The following ISM1 variants were observed in gnomAD, a reference collection of about 807,000 sequenced individuals.
The protein encoded by ISM1 is isthmin-1.
ISM1 carries 25 observed loss-of-function variants against 46.3 expected under a neutral mutation model. The ratio of observed to expected loss-of-function variants is 0.54; its 90% CI spans 0.39 to 0.75. ISM1 has a LOEUF of 0.75. ISM1 is among the 30% of genes least tolerant of loss of function. The pLI, the probability that ISM1 is intolerant of heterozygous loss-of-function variation, is 0.00. For synonymous variants in ISM1, 255 were observed against 256.7 expected, an observed-to-expected ratio of 0.99 and a Z score of 0.06; for missense variants, 536 against 625.4, an observed-to-expected ratio of 0.86 and a Z score of 1.52.
chr20:13,275,541 C>A lies in ISM1; in HGVS notation c.379-4093C>A, dbSNP rs532601784. On this transcript the variant is annotated intron_variant, in intron 2 of 5. Coordinates refer to ENST00000262487, the MANE Select transcript of ISM1 (RefSeq NM_080826.2). ...GGATCAGGCACCACCATTTAGTCAGCCAGACTTGACCTCCGTAGCCCCATG... is the reference window on the plus strand; with the variant it reads ...GGATCAGGCACCACCATTTAGTCAGACAGACTTGACCTCCGTAGCCCCATG... Among the ~76,000 whole-genome samples, 57 of 152,300 alleles carry A rather than the reference C, an allele frequency of 3.7e-4. 1 individual carries two copies. The highest frequency in any genetic ancestry group is 3.5e-3 in the Admixed American group (54 of 15,298).
chr20:13,311,247 A>AGATAGATAGAT, the ISM1 span, among the ~76,000 whole-genome samples: 2,135 of 116,010 alleles, frequency 0.018, 21 homozygotes, highest in African/African-American at 0.036. Context: ...GATAGATGAT[A>AGATAGATAGAT]GATAGATAGA....
chr20:13,263,692 T>G (rs2040013504), intron 1 of ISM1, among the ~76,000 whole-genome samples: 1 of 152,186 alleles, frequency 6.6e-6, no homozygotes, highest in South Asian at 2.1e-4. Flanking sequence ...AATGGAGTGT[T>G]TGAATGTGGA....
the ISM1 span, among the ~76,000 whole-genome samples, chr20:13,312,931 C>A: frequency 6.6e-6 from 1 of 152,016 alleles, no homozygotes; most frequent in Non-Finnish European, 1.5e-5. Flanking sequence ...TTCTTTTGTT[C>A]CCTCTGCTTC....
chr20:13,325,772 A>G, the ISM1 span, among the ~76,000 whole-genome samples: 1 of 152,174 alleles, frequency 6.6e-6, no homozygotes, highest in East Asian at 1.9e-4. Context: ...GCCAGTAATT[A>G]CTCCGAGAAC....
intron 1 of ISM1, among the ~76,000 whole-genome samples, chr20:13,235,469 A>T (rs942358553): frequency 6.6e-6 from 1 of 152,180 alleles, no homozygotes; most frequent in African/African-American, 2.4e-5. Context: ...ATGGGATAAG[A>T]ATAGTTAACA....
At chr20:13,241,671 G>T (rs769422673) in intron 1 of ISM1, among the ~76,000 whole-genome samples, 2 of 152,286 alleles carry the variant, frequency 1.3e-5, no homozygotes, top group Non-Finnish European at 2.9e-5. Flanking sequence ...CGTTTGAGGA[G>T]AGAAGATATA....
chr20:13,245,972 A>G (rs113206224), intron 1 of ISM1, among the ~76,000 whole-genome samples: 5,523 of 152,276 alleles, frequency 0.036, 172 homozygotes, highest in African/African-American at 0.077. Flanking sequence ...ACAGGCCACA[A>G]AAGCTTTTCT....
At chr20:13,263,997 C>T (rs2040016963) in intron 1 of ISM1, among the ~76,000 whole-genome samples, 1 of 151,976 alleles carries the variant, frequency 6.6e-6, no homozygotes, top group African/African-American at 2.4e-5. Flanking sequence ...CACATAAAAG[C>T]CACATTAGGG....
chr20:13,278,944 A>G (rs1344507858), intron 2 of ISM1, among the ~76,000 whole-genome samples: 1 of 152,194 alleles, frequency 6.6e-6, no homozygotes, highest in African/African-American at 2.4e-5. Context: ...TAGCGGTTAG[A>G]ACATTCCAAG....
At chr20:13,288,776 C>A in intron 4 of ISM1, 93 bp downstream of exon 4, 5 of 1,298,050 alleles carry the variant, frequency 3.9e-6, no homozygotes, top group Non-Finnish European at 4.3e-6. Flanking sequence ...TTAAAAGATG[C>A]ACTACTTTTC....
At chr20:13,248,601 T>A (rs1431105378) in intron 1 of ISM1, among the ~76,000 whole-genome samples, 3 of 152,238 alleles carry the variant, frequency 2.0e-5, no homozygotes, top group Admixed American at 2.0e-4. Flanking sequence ...TCTACCAGTG[T>A]TCTTCACATG....
intron 1 of ISM1, among the ~76,000 whole-genome samples, chr20:13,227,644 G>A (rs1029396453): frequency 2.1e-4 from 32 of 151,532 alleles, no homozygotes; most frequent in Admixed American, 1.5e-3. Flanking sequence ...GGGTAGCTGG[G>A]ACTACAGGCG....
At chr20:13,286,600 T>G (rs543444861) in intron 3 of ISM1, among the ~76,000 whole-genome samples, 1 of 152,220 alleles carries the variant, frequency 6.6e-6, no homozygotes, top group Non-Finnish European at 1.5e-5. Flanking sequence ...GCAGATAAGA[T>G]GGGAGCAAGC....
intron 1 of ISM1, among the ~76,000 whole-genome samples, chr20:13,241,705 G>C (rs1017146630): frequency 6.6e-6 from 1 of 152,190 alleles, no homozygotes; most frequent in Non-Finnish European, 1.5e-5. Context: ...GGATACTGGA[G>C]CAAGTAAGGT....
chr20:13,222,147 TGTCTGTCACGG>T lies in ISM1; in HGVS notation c.138+237_138+247del, dbSNP rs1163126091. On this transcript the variant is annotated intron_variant, in intron 1 of 5. Transcript: ENST00000262487. Reference sequence around the variant, plus strand: ...TCTGCGGGCTGCGCTCCTTCAGTTCTGTCTGTCACGGGTCAGGTGCGGGGTTGGTGGGGAGG... The same window carrying T: ...TCTGCGGGCTGCGCTCCTTCAGTTCTGTCAGGTGCGGGGTTGGTGGGGAGG... Among the ~76,000 whole-genome samples, 5 of 152,238 alleles carry T rather than the reference TGTCTGTCACGG, an allele frequency of 3.3e-5. No homozygotes were observed. The East Asian group carries it at 9.7e-4, about 29-fold the overall frequency.
intron 4 of ISM1, among the ~76,000 whole-genome samples, chr20:13,290,069 C>T (rs909778898): frequency 3.3e-5 from 5 of 152,116 alleles, no homozygotes; most frequent in Admixed American, 6.5e-5. Context: ...AAAGGGGACA[C>T]GTAGAAAACA....
At chr20:13,255,501 ACT>A (rs2039916964) in intron 1 of ISM1, among the ~76,000 whole-genome samples, 1 of 152,186 alleles carries the variant, frequency 6.6e-6, no homozygotes, top group African/African-American at 2.4e-5. Context: ...GGAGGGATTA[ACT>A]CTGCTGAAGA....
chr20:13,246,418 C>T (rs1007818606), intron 1 of ISM1, among the ~76,000 whole-genome samples: 2 of 152,158 alleles, frequency 1.3e-5, no homozygotes, highest in African/African-American at 2.4e-5. Flanking sequence ...CCCTACTGCC[C>T]ACTCTGCCTG....
chr20:13,297,044 A>T (rs73610461), intron 5 of ISM1, among the ~76,000 whole-genome samples: 20,812 of 151,992 alleles, frequency 0.14, 1,495 homozygotes, highest in East Asian at 0.18. Context: ...CCGCCAAAAA[A>T]AAAGATGTAT....
Sources: gnomAD v4.1 joint callset for allele counts (sites outside exome capture counted in the v4.1 genomes callset) on GRCh38, gnomAD v4.1.1 for gene constraint, MANE v1.5 for transcripts, NCBI Gene and HGNC (gene_info 2026-07-23, HGNC 2026-07-21) for gene names.